Variants in CACNA1S observed in about 807,000 individuals in gnomAD.
The protein encoded by CACNA1S is voltage-dependent L-type calcium channel subunit alpha-1S.
In CACNA1S, 126 loss-of-function variants were observed where a neutral mutation model predicts 207.4. The ratio of observed to expected loss-of-function variants is 0.61; its 90% confidence interval spans 0.53 to 0.70. The LOEUF (loss-of-function observed/expected upper bound fraction) is 0.70. Among genes scored for constraint, CACNA1S ranks in the 30% least tolerant of loss-of-function variants. CACNA1S has a pLI of 0.00. For synonymous variants in CACNA1S, 960 were observed against 932.7 expected (o/e 1.03, Z -0.53); for missense variants, 2,349 against 2,422.8 (o/e 0.97, Z 0.64).
chr1:201,097,430 G>A (rs1444436097), intron 2 of CACNA1S, among the ~76,000 whole-genome samples: 4 of 151,360 alleles, frequency 2.6e-5, no homozygotes, highest in African/African-American at 9.7e-5. Flanking sequence ...TAGCTCTCTA[G>A]CTGCCCCAGC....
At chr1:201,064,982 T>C (rs759712213) in intron 22 of CACNA1S, among the ~76,000 whole-genome samples, 24 of 152,094 alleles carry the variant, frequency 1.6e-4, no homozygotes, top group Admixed American at 3.3e-4. Flanking sequence ...GGCGTATGCT[T>C]GGCACAGGCC....
chr1:201,092,857 C>A lies in CACNA1S; in HGVS notation c.399-743G>T, dbSNP rs138876545. Among the ~76,000 whole-genome samples, 3 of 152,296 alleles carry A rather than the reference C, an allele frequency of 2.0e-5. 1 individual carries two copies. The South Asian group carries it at 6.2e-4, about 32-fold the overall frequency. Reference sequence around the variant, plus strand: ...TAGCAGGTAACCAACACCATCCTTACGGAACTGAAGGACAGCATACTGGTT... The same window carrying A: ...TAGCAGGTAACCAACACCATCCTTAAGGAACTGAAGGACAGCATACTGGTT... On this transcript the variant is annotated intron_variant, in intron 3 of 43. Coordinates refer to ENST00000362061, the MANE Select transcript of CACNA1S (RefSeq NM_000069.3).
rs916786843 is a variant in CACNA1S at position 201,073,402 on chromosome 1, T to C, written c.2157+147A>G. ...TGGAGATGGATTCGCTGGCTCTCCC[T>C]CCAGTCGTACGCAGGGAGATGCCCT... is the stretch of plus-strand genomic sequence containing the variant. On this transcript the variant is annotated intron_variant, in intron 15 of 43. Transcript: ENST00000362061. 3 of 767,744 alleles carry C rather than the reference T, an allele frequency of 3.9e-6. No homozygotes were observed. In the African/African-American group the frequency reaches 5.1e-5, roughly 13 times the overall value. 47.6% of individuals were successfully genotyped at this position (767,744 alleles called of 1,614,324 possible). A position where few individuals can be genotyped will look rare whatever the true frequency, so the allele number is the denominator to read the frequency against.
Position 201,093,976 on chromosome 1 carries a change from C to A in CACNA1S, c.304G>T (p.Ala102Ser), listed in dbSNP as rs753901380. The change falls in exon 3 of 44, where the codon GCC becomes TCC. Residue 102 changes from alanine to serine, a missense_variant. By Grantham distance (99) the Ala-to-Ser change is moderately conservative. Transcript: ENST00000362061. ...AAGCCGTAGGCAATGATCTTCATGG[C>A]GGCTTCAATCGAGAAGACAATGAGG... ...FFLIVFSIEAAMKIIAYGFLF... is the reference protein window; with the variant it reads ...FFLIVFSIEASMKIIAYGFLF... 6.2e-7 allele frequency: 1 copy of A among 1,614,080 alleles called. No individual in the cohort carries two copies. The highest frequency in any genetic ancestry group is 8.5e-7 in the Non-Finnish European group (1 of 1,180,034).
intron 12 of CACNA1S, 133 bp downstream of exon 12, chr1:201,076,787 A>G (rs1661636961): frequency 1.2e-6 from 1 of 835,358 alleles, no homozygotes; most frequent in Non-Finnish European, 2.1e-6. Flanking sequence ...GGGAGCCCAG[A>G]GAAGGACATT....
chr1:201,062,679 G>C (rs547019367), intron 22 of CACNA1S, among the ~76,000 whole-genome samples, 165 bp from the exon 23 acceptor site: 3 of 152,326 alleles, frequency 2.0e-5, no homozygotes, highest in East Asian at 3.9e-4. Flanking sequence ...CTCGCCCTTG[G>C]GGCAGGGCCC....
Position 201,077,079 on chromosome 1 carries a change from G to T in CACNA1S, c.1668C>A (p.Ile556=). The T allele has an allele frequency of 6.2e-7, 1 of 1,614,190 alleles. No homozygotes were observed. The highest frequency in any genetic ancestry group is 8.5e-7 in the Non-Finnish European group (1 of 1,180,034). ...SNLVASLLNS[I]RSIASLLLLL... is the part of the protein sequence containing the mutation. Reference sequence around the variant, plus strand: ...GCAGCAGCAGGGAGGCGATGGAGCGGATGGAGTTGAGCAGGGATGCCACCA... The same window carrying T: ...GCAGCAGCAGGGAGGCGATGGAGCGTATGGAGTTGAGCAGGGATGCCACCA... The change falls in exon 12 of 44, where the codon ATC becomes ATA. Residue 556 remains isoleucine, a synonymous_variant. Transcript: ENST00000362061.
chr1:201,089,137 A>C, intron 6 of CACNA1S, 121 bp downstream of exon 6: 1 of 865,938 alleles, frequency 1.2e-6, no homozygotes, highest in Non-Finnish European at 1.9e-6. Flanking sequence ...AGCAAGAGGG[A>C]GCTGTGGTCA....
At chr1:201,061,022 T>C (rs764283668) in intron 25 of CACNA1S, among the ~76,000 whole-genome samples, 1 of 152,192 alleles carries the variant, frequency 6.6e-6, no homozygotes, top group Non-Finnish European at 1.5e-5. Context: ...TGCTATAGAC[T>C]AGACTGTGGG....
At position 201,052,553 on chromosome 1, in the gene CACNA1S, G is replaced by C; in HGVS notation, c.3953+4C>G. The C allele has an allele frequency of 6.2e-7, 1 of 1,610,956 alleles. No individual in the cohort carries two copies. Among genetic ancestry groups the C allele is most frequent in the East Asian group, 2.2e-5 (1 of 44,850 alleles). On this transcript the variant is annotated splice_donor_region_variant and intron_variant, in intron 32 of 43. Coordinates refer to ENST00000362061, the MANE Select transcript of CACNA1S (RefSeq NM_000069.3). ...TAGGGGTGGGGGTGGCGGGAGACGC[G>C]TGCCTGAAGAGCAGTAGCACAGCTT...
Position 201,069,981 on chromosome 1 carries a change from G to A in CACNA1S, c.2360+291C>T, listed in dbSNP as rs374531051. ...TTTAAAGGTGTAAAATTATGAAGCCGATAAAAACTATAGCTTCCCTTGCTC... is the reference window on the plus strand; with the variant it reads ...TTTAAAGGTGTAAAATTATGAAGCCAATAAAAACTATAGCTTCCCTTGCTC... On this transcript the variant is annotated intron_variant, in intron 17 of 43. Coordinates refer to ENST00000362061, the MANE Select transcript of CACNA1S (RefSeq NM_000069.3). Among the ~76,000 whole-genome samples, 7 of 152,216 alleles carry A rather than the reference G, an allele frequency of 4.6e-5. No homozygotes were observed. In the South Asian group the frequency reaches 1.0e-3, roughly 23 times the overall value.
intron 40 of CACNA1S, chr1:201,041,868 C>G: frequency 2.0e-6 from 1 of 507,828 alleles, no homozygotes; most frequent in East Asian, 3.7e-5. Context: ...CAGCTGCAGC[C>G]TCCCAGCCTT....
In CACNA1S at chr1:201,066,188, T is replaced by A. The variant is rs1661231779; in HGVS notation, c.2745+41A>T. 13 of 1,583,296 alleles carry A rather than the reference T, an allele frequency of 8.2e-6. No homozygotes were observed. Among genetic ancestry groups the A allele is most frequent in the Non-Finnish European group, 1.1e-5 (13 of 1,152,168 alleles). ...GGAGCGAGGAGGCCCCTGTAACCCC[T>A]CCCATTCCTCTCTGGGGCTCCTGCC... On this transcript the variant is annotated intron_variant, in intron 21 of 43. Coordinates refer to ENST00000362061, the MANE Select transcript of CACNA1S (RefSeq NM_000069.3). This position sits in a 1 kb window ranked among gnomAD's most constrained non-coding sequence, Gnocchi z 4.3.
At chr1:201,100,100 A>G (rs544132063) in intron 2 of CACNA1S, among the ~76,000 whole-genome samples, 1 of 152,212 alleles carries the variant, frequency 6.6e-6, no homozygotes, top group South Asian at 2.1e-4. Flanking sequence ...AAGCACCAGA[A>G]TAGCTGCAGT....
In CACNA1S at chr1:201,039,582, G is replaced by A; in HGVS notation, c.*249C>T. ...AGTGGCCCTAGGCCAGACAGGCACT[G>A]ACCAGGCCTTTTTGAATGACATTAG... is the stretch of plus-strand genomic sequence containing the variant. On this transcript the variant is annotated 3_prime_UTR_variant, in exon 44 of 44. Coordinates refer to ENST00000362061, the MANE Select transcript of CACNA1S (RefSeq NM_000069.3). The A allele has an allele frequency of 1.7e-6, 1 of 588,888 alleles. No individual in the cohort carries two copies. Among genetic ancestry groups the A allele is most frequent in the Non-Finnish European group, 3.0e-6 (1 of 330,438 alleles). The allele number at this position is 588,888 out of a possible 1,614,324, so 36.5% of individuals were successfully genotyped here. A position where few individuals can be genotyped will look rare whatever the true frequency, so the allele number is the denominator to read the frequency against.
chr1:201,045,696 C>T (rs56927717), intron 38 of CACNA1S, among the ~76,000 whole-genome samples: 1,707 of 138,204 alleles, frequency 0.012, 34 homozygotes, highest in African/African-American at 0.043. Flanking sequence ...GATCATGCCT[C>T]TGCACTCCAG....
At chr1:201,084,806 T>A (rs558186432) in intron 9 of CACNA1S, 144 bp downstream of exon 9, 5 of 665,572 alleles carry the variant, frequency 7.5e-6, no homozygotes, top group Non-Finnish European at 8.1e-6. Flanking sequence ...GAGCAGGAAC[T>A]GGCCCTATTT....
chr1:201,091,840 T>C (rs756937411), intron 4 of CACNA1S, 48 bp from the exon 5 acceptor site: 1 of 1,597,738 alleles, frequency 6.3e-7, no homozygotes, highest in Non-Finnish European at 8.5e-7. Flanking sequence ...CTCTGCTTGG[T>C]CTCTTGGCCC....
chr1:201,072,352 A>G (rs2886329), intron 16 of CACNA1S, among the ~76,000 whole-genome samples: 109,591 of 151,892 alleles, frequency 0.72, 40,558 homozygotes, highest in East Asian at 0.97. Context: ...CAGCCCTACC[A>G]GACACTGGAT....
Sources: gnomAD v4.1 joint callset for allele counts (sites outside exome capture counted in the v4.1 genomes callset) on GRCh38, gnomAD v4.1.1 for gene constraint, Gnocchi (gnomAD v3.1) non-coding constraint, MANE v1.5 for transcripts, NCBI Gene and HGNC (gene_info 2026-07-23, HGNC 2026-07-21) for gene names.